OPHN1: variants seen among roughly 807,000 people sequenced by gnomAD.
OPHN1 encodes oligophrenin-1.
Under a neutral mutation model 60.7 loss-of-function variants are expected in OPHN1, and 11 were observed. That is an observed-to-expected ratio of 0.18 (90% confidence interval 0.11 to 0.30). The LOEUF is 0.30. Ranked by LOEUF, OPHN1 falls within the 10% of genes least tolerant of loss-of-function variation. The pLI, the probability that OPHN1 is intolerant of heterozygous loss-of-function variation, is 1.00. For missense variants in OPHN1, 449 were observed against 611.0 expected, an observed-to-expected ratio of 0.73 and a Z score of 2.80; for synonymous variants, 226 against 222.6, an observed-to-expected ratio of 1.02 and a Z score of -0.14.
intron 2 of OPHN1, among the ~76,000 whole-genome samples, chrX:68,402,388 AGAAG>A (rs2078720067): frequency 4.1e-5 from 1 of 24,605 alleles, no homozygotes; most frequent in Non-Finnish European, 3.8e-4. Context: ...GAAGAGAGAA[AGAAG>A]AGAAGAGAAG....
intron 2 of OPHN1, among the ~76,000 whole-genome samples, chrX:68,341,076 CAA>C (rs1157921152): frequency 1.1e-4 from 9 of 85,431 alleles, no homozygotes; most frequent in Admixed American, 2.6e-4. Context: ...TTTTTTACTG[CAA>C]AAAAAAAAAA....
intron 2 of OPHN1, among the ~76,000 whole-genome samples, chrX:68,387,933 ATGAG>A (rs1171604554): frequency 9.0e-6 from 1 of 110,755 alleles, no homozygotes; most frequent in Non-Finnish European, 1.9e-5. Context: ...AGCTTGAAGA[ATGAG>A]TATTTCCAGA....
At chrX:68,261,537 T>C (rs2077893656) in intron 5 of OPHN1, among the ~76,000 whole-genome samples, 2 of 111,264 alleles carry the variant, frequency 1.8e-5, no homozygotes, top group African/African-American at 6.6e-5. Context: ...TGAGAACAGT[T>C]CTGCAAATCA....
chrX:68,334,322 A>G (rs1364671880), intron 2 of OPHN1, among the ~76,000 whole-genome samples: 1 of 112,433 alleles, frequency 8.9e-6, no homozygotes, highest in African/African-American at 3.2e-5. Flanking sequence ...GACTTCCCCT[A>G]AGTCAAAGAA....
chrX:68,280,076 C>T (rs2078012697), intron 4 of OPHN1, among the ~76,000 whole-genome samples: 1 of 111,524 alleles, frequency 9.0e-6, no homozygotes, highest in Non-Finnish European at 1.9e-5. Context: ...CAGAGAAGAA[C>T]ATTTAGTAGA....
intron 6 of OPHN1, among the ~76,000 whole-genome samples, chrX:68,224,809 C>T (rs62607133): frequency 3.6e-5 from 4 of 112,338 alleles, no homozygotes; most frequent in East Asian, 2.8e-4. Context: ...CCAGTGTGAG[C>T]GACACAGAAG....
intron 21 of OPHN1, 46 bp downstream of exon 21, chrX:68,063,808 G>C: frequency 9.5e-7 from 1 of 1,048,001 alleles, no homozygotes; most frequent in Non-Finnish European, 1.3e-6. Context: ...AAGGTGAAAA[G>C]TAGTTAGGGT....
chrX:68,193,795 T>C, intron 14 of OPHN1, 95 bp downstream of exon 14: 1 of 739,359 alleles, frequency 1.4e-6, no homozygotes, highest in Non-Finnish European at 2.1e-6. Context: ...TTATAAACAG[T>C]CTTCATTCCT....
rs922764837 is a variant in OPHN1 at position 68,212,499 on chromosome X, G to C, written c.598-287C>G. On this transcript the variant is annotated intron_variant, in intron 7 of 24. Transcript: ENST00000355520. ...ACTTGGGAGGCTGAGGCAGGAGAATGGCTTGAACCCGGGAGGCGGAGGTTG... is the reference window on the plus strand; with the variant it reads ...ACTTGGGAGGCTGAGGCAGGAGAATCGCTTGAACCCGGGAGGCGGAGGTTG... Among the ~76,000 whole-genome samples, 33 of 111,484 alleles carry C rather than the reference G, an allele frequency of 3.0e-4. 1 individual carries two copies. The highest frequency in any genetic ancestry group is 3.8e-4 in the Admixed American group (4 of 10,494).
intron 15 of OPHN1, among the ~76,000 whole-genome samples, chrX:68,161,874 G>A (rs760019055): frequency 6.3e-5 from 7 of 111,120 alleles, no homozygotes; most frequent in South Asian, 3.7e-4. Context: ...TTCATATAAC[G>A]GAATACTATA....
At chrX:68,228,064 T>C (rs1410362293) in intron 6 of OPHN1, among the ~76,000 whole-genome samples, 1 of 111,396 alleles carries the variant, frequency 9.0e-6, no homozygotes, top group African/African-American at 3.3e-5. Context: ...CAATAAAAAA[T>C]GATAAAGGGG....
intron 2 of OPHN1, among the ~76,000 whole-genome samples, chrX:68,380,657 A>G (rs2147742541): frequency 9.0e-6 from 1 of 111,478 alleles, no homozygotes; most frequent in East Asian, 2.8e-4. Flanking sequence ...TTCAAAGAAC[A>G]TCTTTATTTC....
chrX:68,423,018 C>CTTTTTTTTTTTTTTTTTTTTTTT, intron 2 of OPHN1, among the ~76,000 whole-genome samples: 1 of 25,350 alleles, frequency 3.9e-5, no homozygotes, highest in Admixed American at 6.1e-4. Context: ...ATGTAGCTTT[C>CTTTTTTTTTTTTTTTTTTTTTTT]TTTTTTTTTT....
chrX:68,372,165 A>T (rs754011369), intron 2 of OPHN1, among the ~76,000 whole-genome samples: 1 of 112,567 alleles, frequency 8.9e-6, no homozygotes, highest in African/African-American at 3.2e-5. Flanking sequence ...CCATGAAAAT[A>T]GTAACCAAAA....
In OPHN1 at chrX:68,047,080, A is replaced by T; in HGVS notation, c.*92T>A. The T allele has an allele frequency of 1.8e-5, 2 of 112,095 alleles. No homozygotes were observed. Among genetic ancestry groups the T allele is most frequent in the Middle Eastern group, 4.6e-3 (1 of 216 alleles). The allele number at this position is 112,095 out of a possible 1,213,427, so 9.2% of individuals were successfully genotyped here. On this transcript the variant is annotated 3_prime_UTR_variant, in exon 25 of 25. Coordinates refer to ENST00000355520, the MANE Select transcript of OPHN1 (RefSeq NM_002547.3). ...TAGGAAGGAGCTGCTCTTCAACACA[A>T]AATGACTCCGCACACAAAGGTTTGA... is the stretch of plus-strand genomic sequence containing the variant.
chrX:68,217,840 A>T, intron 6 of OPHN1, among the ~76,000 whole-genome samples: 1 of 55,576 alleles, frequency 1.8e-5, no homozygotes, highest in East Asian at 1.4e-3. Flanking sequence ...AAAACAGAAC[A>T]GAAAAACCGG....
chrX:68,380,511 G>A (rs1421550060), intron 2 of OPHN1, among the ~76,000 whole-genome samples: 1 of 111,067 alleles, frequency 9.0e-6, no homozygotes, highest in Non-Finnish European at 1.9e-5. Flanking sequence ...AGTTCTTTTA[G>A]TTGTGATGTT....
Position 68,063,684 on chromosome X carries a change from A to G in OPHN1, c.2158+170T>C, listed in dbSNP as rs760530019. Among the ~76,000 whole-genome samples, 5 of 112,295 alleles carry G rather than the reference A, an allele frequency of 4.5e-5. No individual in the cohort carries two copies. The Admixed American group carries it at 4.7e-4, about 11-fold the overall frequency. ...AAATCCCGGCCCTCATGGAGCTTAC[A>G]TTCTAGTGATTATTGTGACTGATTA... On this transcript the variant is annotated intron_variant, in intron 21 of 24. Transcript: ENST00000355520.
intron 2 of OPHN1, among the ~76,000 whole-genome samples, chrX:68,362,352 T>C (rs949876046): frequency 3.6e-5 from 4 of 111,537 alleles, no homozygotes; most frequent in Non-Finnish European, 5.6e-5. Flanking sequence ...AGAATGATAG[T>C]TAGCAGGGGG....
Sources: gnomAD v4.1 joint callset for allele counts (sites outside exome capture counted in the v4.1 genomes callset) on GRCh38, gnomAD v4.1.1 for gene constraint, MANE v1.5 for transcripts, NCBI Gene and HGNC (gene_info 2026-07-23, HGNC 2026-07-21) for gene names.